The following ALG12 variants were observed in gnomAD, a reference collection of about 807,000 sequenced individuals.
ALG12 encodes the protein ALG12 alpha-1,6-mannosyltransferase, also known as dol-P-Man:Man(7)GlcNAc(2)-PP-Dol alpha-1,6-mannosyltransferase.
Under a neutral mutation model 46.0 loss-of-function variants are expected in ALG12, and 36 were observed. The observed-to-expected ratio is 0.78, with a 90% CI of 0.60 to 1.03. The LOEUF is 1.03. ALG12 is among the 50% of genes least tolerant of loss of function. The pLI is 0.00. For missense variants in ALG12, 599 were observed against 633.5 expected, an observed-to-expected ratio of 0.95 and a Z score of 0.58; for synonymous variants, 326 against 291.6, an observed-to-expected ratio of 1.12 and a Z score of -1.20.
At chr22:49,868,737 C>G in the ALG12 span, among the ~76,000 whole-genome samples, 1 of 152,072 alleles carries the variant, frequency 6.6e-6, no homozygotes, top group African/African-American at 2.4e-5. Context: ...GCAGCTACTT[C>G]GTGCATGTGT....
At chr22:49,860,249 C>T in the ALG12 span, among the ~76,000 whole-genome samples, 1 of 152,362 alleles carries the variant, frequency 6.6e-6, no homozygotes, top group African/African-American at 2.4e-5. Context: ...TGGTAAGCTG[C>T]AATGACGTCA....
the ALG12 span, chr22:49,888,339 A>G: frequency 6.0e-6 from 1 of 167,002 alleles, no homozygotes; most frequent in African/African-American, 2.4e-5. Context: ...TGTTTTGTTG[A>G]AATACTGTAC....
At chr22:49,872,383 T>G in the ALG12 span, among the ~76,000 whole-genome samples, 11 of 152,112 alleles carry the variant, frequency 7.2e-5, no homozygotes, top group African/African-American at 2.7e-4. Flanking sequence ...ATAATTCTAG[T>G]TTTTGCCCTT....
Position 49,907,642 on chromosome 22 carries a change from A to T in ALG12, c.992+79T>A. 6.8e-7 allele frequency: 1 copy of T among 1,473,828 alleles called. No individual in the cohort carries two copies. The highest frequency in any genetic ancestry group is 9.3e-7 in the Non-Finnish European group (1 of 1,076,838). 91.3% of individuals were successfully genotyped at this position (1,473,828 alleles called of 1,614,324 possible). ...CCTGTTTCAAAAATTAAACACACAC[A>T]TACATCCCCCCAACAGTAAATCAGT... On this transcript the variant is annotated intron_variant, in intron 7 of 9. Coordinates refer to ENST00000330817, the MANE Select transcript of ALG12 (RefSeq NM_024105.4).
chr22:49,904,099 G>A (rs1350973531), intron 9 of ALG12, 33 bp from the exon 10 acceptor site: 2 of 1,613,856 alleles, frequency 1.2e-6, no homozygotes, highest in African/African-American at 1.3e-5. Context: ...CCTGCCCAGG[G>A]CCCCCACATC....
At chr22:49,861,518 C>T in the ALG12 span, among the ~76,000 whole-genome samples, 7 of 151,758 alleles carry the variant, frequency 4.6e-5, no homozygotes, top group African/African-American at 9.7e-5. Flanking sequence ...ACCGCAGCCT[C>T]GACCTCACGG....
chr22:49,872,844 C>T, the ALG12 span, among the ~76,000 whole-genome samples: 6,172 of 151,926 alleles, frequency 0.041, 181 homozygotes, highest in Non-Finnish European at 0.062. Flanking sequence ...TAGCTGGGAC[C>T]GCAGGCACCT....
chr22:49,882,010 C>T, the ALG12 span, among the ~76,000 whole-genome samples: 1 of 152,276 alleles, frequency 6.6e-6, no homozygotes, highest in South Asian at 2.1e-4. Flanking sequence ...TGGCTTAAGC[C>T]TGTTTCCCCA....
chr22:49,917,593 G>A (rs1250599788), intron 1 of ALG12, among the ~76,000 whole-genome samples: 1 of 152,170 alleles, frequency 6.6e-6, no homozygotes, highest in African/African-American at 2.4e-5. Flanking sequence ...ACAGGAACCT[G>A]GAAGGCGGAG....
At chr22:49,867,357 G>A in the ALG12 span, among the ~76,000 whole-genome samples, 1 of 152,218 alleles carries the variant, frequency 6.6e-6, no homozygotes, top group African/African-American at 2.4e-5. Flanking sequence ...GAAGAAGCGT[G>A]TGCCAGGCGG....
Position 49,903,614 on chromosome 22 carries a change from C to T in ALG12, c.*224G>A. ...CCACCATCACCCTGGGCAGTGGCTC[C>T]CGGGGTGCCAACAAGACCTGGGCCC... On this transcript the variant is annotated 3_prime_UTR_variant, in exon 10 of 10. Transcript: ENST00000330817. 1 of 696,052 alleles carries T rather than the reference C, an allele frequency of 1.4e-6. No individual in the cohort carries two copies. The highest frequency in any genetic ancestry group is 2.6e-6 in the Non-Finnish European group (1 of 383,358). 43.1% of individuals were successfully genotyped at this position (696,052 alleles called of 1,614,324 possible).
the ALG12 span, chr22:49,884,809 T>G: frequency 6.2e-7 from 1 of 1,609,720 alleles, no homozygotes; most frequent in Non-Finnish European, 8.5e-7. Context: ...GGTCAGAGAG[T>G]CCCCTTCGGC....
chr22:49,910,614 A>T lies in ALG12; in HGVS notation c.296-7T>A. On this transcript the variant is annotated splice_region_variant and splice_polypyrimidine_tract_variant and intron_variant, in intron 3 of 9. Coordinates refer to ENST00000330817, the MANE Select transcript of ALG12 (RefSeq NM_024105.4). ...AGTCCAAGCACTCCTCTAACTAAACAAAGACAGTGACAGCACCTGAGCCTG... is the reference window on the plus strand; with the variant it reads ...AGTCCAAGCACTCCTCTAACTAAACTAAGACAGTGACAGCACCTGAGCCTG... 6.2e-7 allele frequency: 1 copy of T among 1,614,036 alleles called. No individual in the cohort carries two copies. The highest frequency in any genetic ancestry group is 8.5e-7 in the Non-Finnish European group (1 of 1,180,036).
the ALG12 span, among the ~76,000 whole-genome samples, chr22:49,877,275 T>C: frequency 7.8e-6 from 1 of 127,660 alleles, no homozygotes; most frequent in Non-Finnish European, 1.8e-5. Flanking sequence ...ATTTATTTAT[T>C]TATTTATTTA....
At chr22:49,863,106 T>G in the ALG12 span, among the ~76,000 whole-genome samples, 1 of 152,186 alleles carries the variant, frequency 6.6e-6, no homozygotes, top group African/African-American at 2.4e-5. Flanking sequence ...ACGGTCTAGA[T>G]TTTGCTGGCT....
the ALG12 span, chr22:49,884,152 G>A: frequency 1.2e-6 from 2 of 1,613,520 alleles, no homozygotes; most frequent in Non-Finnish European, 1.7e-6. Context: ...CGTGAGGCGC[G>A]CACACCCGAC....
chr22:49,886,130 C>T, the ALG12 span: 1 of 682,736 alleles, frequency 1.5e-6, no homozygotes, highest in South Asian at 1.7e-5. This position sits in a 1 kb window ranked among gnomAD's most constrained non-coding sequence, Gnocchi z 7.7. Context: ...GGGGAGCACT[C>T]GAGCGTGCAG....
Position 49,905,615 on chromosome 22 carries a change from G to A in ALG12, c.993-1109C>T, listed in dbSNP as rs752843469. Among the ~76,000 whole-genome samples the A allele has an allele frequency of 1.5e-4, 23 of 152,154 alleles. No individual in the cohort carries two copies. Among genetic ancestry groups the A allele is most frequent in the Non-Finnish European group, 2.8e-4 (19 of 68,036 alleles). ...GCTTTGGCCACATAAAAGCGTGCCC[G>A]CTTCCCTCTCGCCTTCCGCCATAAT... On this transcript the variant is annotated intron_variant, in intron 7 of 9. Coordinates refer to ENST00000330817, the MANE Select transcript of ALG12 (RefSeq NM_024105.4). This position sits in a 1 kb window ranked among gnomAD's most constrained non-coding sequence, Gnocchi z 4.9.
chr22:49,910,172 C>G, intron 4 of ALG12, 84 bp from the exon 5 acceptor site: 1 of 1,427,898 alleles, frequency 7.0e-7, no homozygotes, highest in East Asian at 2.5e-5. Context: ...AGGGTGATTC[C>G]TTTTCCTATT....
Sources: allele counts gnomAD v4.1 joint callset (sites outside exome capture counted in the v4.1 genomes callset), GRCh38; gene constraint gnomAD v4.1.1; non-coding constraint Gnocchi (gnomAD v3.1); transcripts MANE v1.5; gene names NCBI Gene and HGNC (gene_info 2026-07-23, HGNC 2026-07-21).